Variants in TSPAN18 observed in about 807,000 individuals in gnomAD.
The protein encoded by TSPAN18 is tetraspanin 18, also known as tetraspanin-18.
In TSPAN18, 14 loss-of-function variants were observed where a neutral mutation model predicts 27.3. The observed-to-expected ratio is 0.51, with a 90% CI of 0.34 to 0.80. The LOEUF (loss-of-function observed/expected upper bound fraction) is 0.80, where lower values mean the gene tolerates loss of function less well. Ranked by LOEUF, TSPAN18 falls within the 30% of genes least tolerant of loss-of-function variation. The pLI is 0.01. For missense variants in TSPAN18, 268 were observed against 323.9 expected (o/e 0.83, Z 1.32); for synonymous variants, 143 against 136.5 (o/e 1.05, Z -0.33).
intron 1 of TSPAN18, among the ~76,000 whole-genome samples, chr11:44,731,638 G>GAGAGAGAA: frequency 6.7e-6 from 1 of 148,758 alleles, no homozygotes; most frequent in Admixed American, 6.6e-5. Context: ...GTGTGTGAGA[G>GAGAGAGAA]AGAGAGAGAG....
intron 2 of TSPAN18, among the ~76,000 whole-genome samples, chr11:44,840,380 C>G (rs1857349307): frequency 6.6e-6 from 1 of 152,194 alleles, no homozygotes; most frequent in Admixed American, 6.5e-5. Flanking sequence ...GAGGAAGCAA[C>G]ATTTTCACAG....
At chr11:44,819,865 C>T (rs1856891499) in intron 2 of TSPAN18, among the ~76,000 whole-genome samples, 1 of 152,108 alleles carries the variant, frequency 6.6e-6, no homozygotes, top group Non-Finnish European at 1.5e-5. Context: ...TTACTTATTA[C>T]CTTCTGTTGG....
At chr11:44,746,572 C>T (rs1254513740) in intron 1 of TSPAN18, among the ~76,000 whole-genome samples, 1 of 152,002 alleles carries the variant, frequency 6.6e-6, no homozygotes, top group African/African-American at 2.4e-5. Context: ...TGGACAACAT[C>T]GGGGGCCCTC....
intron 2 of TSPAN18, among the ~76,000 whole-genome samples, chr11:44,768,702 A>G (rs1238829302): frequency 6.6e-6 from 1 of 152,122 alleles, no homozygotes. Flanking sequence ...ATAATTGAGT[A>G]TGATATTAAC....
At chr11:44,800,103 T>C (rs1856446900) in intron 2 of TSPAN18, among the ~76,000 whole-genome samples, 1 of 147,186 alleles carries the variant, frequency 6.8e-6, no homozygotes, top group Admixed American at 7.0e-5. Flanking sequence ...GTAATCCACC[T>C]GCCTCGGCCT....
intron 2 of TSPAN18, among the ~76,000 whole-genome samples, chr11:44,788,396 C>T (rs968997991): frequency 9.9e-5 from 15 of 151,622 alleles, no homozygotes; most frequent in South Asian, 2.1e-4. Flanking sequence ...AAGAGGCACA[C>T]GTGACTAGTG....
intron 2 of TSPAN18, among the ~76,000 whole-genome samples, chr11:44,832,678 G>A (rs1169043725): frequency 6.6e-6 from 1 of 152,104 alleles, no homozygotes; most frequent in African/African-American, 2.4e-5. Flanking sequence ...TGTCCTAGTC[G>A]GGCTTCCGAA....
chr11:44,782,006 T>C (rs765989391), intron 2 of TSPAN18, among the ~76,000 whole-genome samples: 1 of 152,236 alleles, frequency 6.6e-6, no homozygotes, highest in Non-Finnish European at 1.5e-5. Context: ...TTTACATTGG[T>C]GCCTGTTTTA....
At chr11:44,867,461 C>G (rs1357225194) in intron 3 of TSPAN18, among the ~76,000 whole-genome samples, 1 of 138,174 alleles carries the variant, frequency 7.2e-6, no homozygotes, top group Admixed American at 7.9e-5. Flanking sequence ...TGGAGTGGCC[C>G]GATCTCGGCT....
At chr11:44,867,694 C>T (rs561560388) in intron 3 of TSPAN18, among the ~76,000 whole-genome samples, 1 of 152,094 alleles carries the variant, frequency 6.6e-6, no homozygotes, top group Non-Finnish European at 1.5e-5. Flanking sequence ...CCACCACACC[C>T]GGCTCGTTTA....
intron 1 of TSPAN18, among the ~76,000 whole-genome samples, chr11:44,758,605 A>G (rs904684694): frequency 1.3e-5 from 2 of 152,202 alleles, no homozygotes; most frequent in Middle Eastern, 3.2e-3. Flanking sequence ...ATATTTTACA[A>G]AATTCCTGCT....
intron 2 of TSPAN18, among the ~76,000 whole-genome samples, chr11:44,826,410 G>A (rs1436879224): frequency 6.6e-6 from 1 of 152,202 alleles, no homozygotes; most frequent in Non-Finnish European, 1.5e-5. Context: ...GGCAACAAGA[G>A]CGAGAAACTC....
intron 1 of TSPAN18, among the ~76,000 whole-genome samples, chr11:44,759,936 T>G (rs896404764): frequency 2.0e-5 from 3 of 152,140 alleles, no homozygotes; most frequent in Non-Finnish European, 4.4e-5. Context: ...AGGAGTTAAC[T>G]GAAAGAAGGT....
intron 1 of TSPAN18, among the ~76,000 whole-genome samples, chr11:44,758,296 T>C (rs1266982408): frequency 6.6e-6 from 1 of 152,218 alleles, no homozygotes; most frequent in East Asian, 1.9e-4. Context: ...TTATGCACCA[T>C]TTGATATAAT....
chr11:44,802,076 T>C (rs942367705), intron 2 of TSPAN18, among the ~76,000 whole-genome samples: 4 of 152,120 alleles, frequency 2.6e-5, no homozygotes, highest in Admixed American at 2.6e-4. Context: ...AATGTCATCA[T>C]CCATGCACTT....
At chr11:44,893,253 C>T (rs1858917532) in intron 3 of TSPAN18, among the ~76,000 whole-genome samples, 1 of 152,218 alleles carries the variant, frequency 6.6e-6, no homozygotes, top group South Asian at 2.1e-4. Context: ...TCTGTGCCAC[C>T]TTGACATTCA....
chr11:44,822,143 G>A (rs74961984), intron 2 of TSPAN18, among the ~76,000 whole-genome samples: 189 of 152,288 alleles, frequency 1.2e-3, no homozygotes, highest in African/African-American at 4.2e-3. Context: ...TCTGTGTGTT[G>A]ATGAGACAGG....
chr11:44,914,091 C>T (rs1321097265), intron 5 of TSPAN18, among the ~76,000 whole-genome samples: 1 of 152,240 alleles, frequency 6.6e-6, no homozygotes, highest in African/African-American at 2.4e-5. Context: ...CTCCAGTCCA[C>T]GGCTTCCCAG....
chr11:44,760,527 G>C (rs901842658), intron 1 of TSPAN18, among the ~76,000 whole-genome samples: 2 of 152,200 alleles, frequency 1.3e-5, no homozygotes, highest in South Asian at 4.1e-4. Flanking sequence ...TATTGTGTAT[G>C]TATGTTATAT....
Sources: gnomAD v4.1 joint callset for allele counts (sites outside exome capture counted in the v4.1 genomes callset) on GRCh38, gnomAD v4.1.1 for gene constraint, MANE v1.5 for transcripts, NCBI Gene and HGNC (gene_info 2026-07-23, HGNC 2026-07-21) for gene names.